ST18: variants seen among roughly 807,000 people sequenced by gnomAD.
ST18 encodes the protein ST18 C2H2C-type zinc finger transcription factor.
In ST18, 50 loss-of-function variants were observed where a neutral mutation model predicts 110.0. That is an observed-to-expected ratio of 0.45 (90% CI 0.36 to 0.58). ST18 has a LOEUF of 0.58. Ranked by LOEUF, ST18 falls within the 20% of genes least tolerant of loss-of-function variation. ST18 has a pLI of 0.00. For missense variants in ST18, 1,306 were observed against 1,280.1 expected (o/e 1.02, Z -0.31); for synonymous variants, 461 against 452.4 (o/e 1.02, Z -0.24).
At chr8:52,135,003 C>T (rs368313983) in intron 19 of ST18, among the ~76,000 whole-genome samples, 1 of 152,222 alleles carries the variant, frequency 6.6e-6, no homozygotes, top group South Asian at 2.1e-4. Context: ...CCTATAGGAT[C>T]TCTCAATTTA....
intron 2 of ST18, among the ~76,000 whole-genome samples, chr8:52,242,864 C>T (rs1391520020): frequency 1.4e-5 from 2 of 143,614 alleles, no homozygotes; most frequent in South Asian, 2.2e-4. Flanking sequence ...AAGAGTGAGA[C>T]TCTGCCTCAA....
At chr8:52,171,530 T>TA (rs2064953788) in intron 10 of ST18, 2 of 554,906 alleles carry the variant, frequency 3.6e-6, no homozygotes, top group Non-Finnish European at 6.8e-6. Context: ...GATGCATTTA[T>TA]AAAAAACAGT....
At chr8:52,349,650 T>C (rs888590484) in intron 2 of ST18, among the ~76,000 whole-genome samples, 2 of 152,216 alleles carry the variant, frequency 1.3e-5, no homozygotes, top group Non-Finnish European at 2.9e-5. Flanking sequence ...ACTTATAGGG[T>C]ACAAAGCAAA....
intron 2 of ST18, among the ~76,000 whole-genome samples, chr8:52,282,114 A>G (rs1313305689): frequency 6.6e-6 from 1 of 152,170 alleles, no homozygotes; most frequent in Non-Finnish European, 1.5e-5. Flanking sequence ...TATGATTCCA[A>G]TCACATGCAA....
chr8:52,171,593 C>G (rs1263816610), intron 10 of ST18, 199 bp downstream of exon 10: 1 of 705,588 alleles, frequency 1.4e-6, no homozygotes, highest in South Asian at 1.5e-5. Flanking sequence ...GAAAATAGTC[C>G]AAAATTAACA....
intron 22 of ST18, among the ~76,000 whole-genome samples, chr8:52,128,258 G>A (rs542183759): frequency 3.9e-5 from 6 of 152,218 alleles, no homozygotes; most frequent in African/African-American, 1.2e-4. Context: ...CGTGATCCAC[G>A]GTGCCCAGCT....
rs1219140752 is a variant in ST18, at chr8:52,111,812, T to A, written c.*1386A>T. 1 of 152,544 alleles carries A rather than the reference T, an allele frequency of 6.6e-6. No homozygotes were observed. Among genetic ancestry groups the A allele is most frequent in the Non-Finnish European group, 1.5e-5 (1 of 68,016 alleles). 9.4% of individuals were successfully genotyped at this position (152,544 alleles called of 1,614,324 possible). On this transcript the variant is annotated 3_prime_UTR_variant, in exon 26 of 26. Coordinates refer to ENST00000689386, the MANE Select transcript of ST18 (RefSeq NM_001352837.2). Reference sequence around the variant, plus strand: ...ATACCTTTTCCTTAAAAAAAATAAATATAAAAAAACTTTTGAAACAATGCT... The same window carrying A: ...ATACCTTTTCCTTAAAAAAAATAAAAATAAAAAAACTTTTGAAACAATGCT...
At chr8:52,179,623 T>A (rs922587955) in intron 9 of ST18, among the ~76,000 whole-genome samples, 1 of 152,106 alleles carries the variant, frequency 6.6e-6, no homozygotes, top group South Asian at 2.1e-4. Context: ...ACCAATTATA[T>A]TTTGGAGTAG....
At chr8:52,278,704 C>T (rs935267549) in intron 2 of ST18, among the ~76,000 whole-genome samples, 43 of 152,132 alleles carry the variant, frequency 2.8e-4, no homozygotes, top group African/African-American at 2.4e-4. Context: ...ACTGTCATGC[C>T]TCGGATCTGG....
At chr8:52,289,017 G>C (rs1387819906) in intron 2 of ST18, among the ~76,000 whole-genome samples, 2 of 152,136 alleles carry the variant, frequency 1.3e-5, no homozygotes, top group Non-Finnish European at 2.9e-5. Flanking sequence ...TCAGAGTTCA[G>C]GAACTCTCCA....
intron 2 of ST18, among the ~76,000 whole-genome samples, chr8:52,251,338 A>C (rs937110056): frequency 1.3e-5 from 2 of 152,130 alleles, no homozygotes; most frequent in Admixed American, 1.3e-4. Context: ...GTGATTCAGA[A>C]TTTGTATATA....
At chr8:52,369,879 G>A (rs1202280697) in intron 2 of ST18, among the ~76,000 whole-genome samples, 1 of 152,182 alleles carries the variant, frequency 6.6e-6, no homozygotes, top group African/African-American at 2.4e-5. Context: ...CATGAAAAAT[G>A]CTCCATGGTT....
intron 2 of ST18, among the ~76,000 whole-genome samples, chr8:52,268,666 C>G (rs757477809): frequency 1.8e-4 from 27 of 151,998 alleles, no homozygotes; most frequent in Non-Finnish European, 1.2e-4. Context: ...TCTAGAGGAG[C>G]GGTAAAGGAA....
chr8:52,333,291 A>G (rs1277343376), intron 2 of ST18, among the ~76,000 whole-genome samples: 3 of 145,146 alleles, frequency 2.1e-5, no homozygotes, highest in Admixed American at 6.8e-5. Flanking sequence ...CCTGCATAGC[A>G]TTTTCTATTA....
intron 2 of ST18, among the ~76,000 whole-genome samples, chr8:52,236,611 CAAAA>C (rs754799390): frequency 1.1e-5 from 1 of 88,904 alleles, no homozygotes. Context: ...AATTCCACCT[CAAAA>C]AAAAAAAAAA....
intron 2 of ST18, among the ~76,000 whole-genome samples, chr8:52,290,044 G>T (rs1196545328): frequency 6.6e-6 from 1 of 152,076 alleles, no homozygotes; most frequent in Non-Finnish European, 1.5e-5. Flanking sequence ...AGCGTCTTCA[G>T]GTGCATCGAC....
intron 9 of ST18, among the ~76,000 whole-genome samples, chr8:52,177,039 A>C (rs575357560): frequency 6.6e-6 from 1 of 152,302 alleles, no homozygotes; most frequent in African/African-American, 2.4e-5. Context: ...TAGAACTTCT[A>C]TGACTGTGAC....
At chr8:52,405,380 C>G (rs949151305) in intron 2 of ST18, 1 of 152,192 alleles carries the variant, frequency 6.6e-6, no homozygotes, top group Non-Finnish European at 1.5e-5. Context: ...GCAGTCCAGT[C>G]CACGCCAACA....
intron 8 of ST18, among the ~76,000 whole-genome samples, chr8:52,181,128 A>C (rs568410153): frequency 6.6e-6 from 1 of 152,348 alleles, no homozygotes; most frequent in Non-Finnish European, 1.5e-5. Flanking sequence ...TCTCTTGGCA[A>C]GATCCATGAA....
Sources: allele counts gnomAD v4.1 joint callset (sites outside exome capture counted in the v4.1 genomes callset), GRCh38; gene constraint gnomAD v4.1.1; transcripts MANE v1.5; gene names NCBI Gene and HGNC (gene_info 2026-07-23, HGNC 2026-07-21).